The following FOXJ2 variants were observed in gnomAD, a reference collection of about 807,000 sequenced individuals.
The protein encoded by FOXJ2 is forkhead box protein J2.
Under a neutral mutation model 68.4 loss-of-function variants are expected in FOXJ2, and 18 were observed. The observed-to-expected ratio is 0.26, with a 90% CI of 0.18 to 0.39. FOXJ2 has a LOEUF of 0.39. FOXJ2 is among the 10% of genes least tolerant of loss of function. The pLI is 1.00. For missense variants in FOXJ2, 670 were observed against 726.5 expected (o/e 0.92, Z 0.89); for synonymous variants, 274 against 263.2 (o/e 1.04, Z -0.40).
intron 1 of FOXJ2, among the ~76,000 whole-genome samples, chr12:8,036,500 T>G (rs1794962972): frequency 6.6e-6 from 1 of 152,200 alleles, no homozygotes; most frequent in African/African-American, 2.4e-5. Context: ...CTTTCAGTCT[T>G]CCAGCACACA....
At chr12:8,036,036 A>T (rs1256631237) in intron 1 of FOXJ2, among the ~76,000 whole-genome samples, 8 of 152,152 alleles carry the variant, frequency 5.3e-5, no homozygotes, top group Non-Finnish European at 1.0e-4. Context: ...CTAATTTTTA[A>T]TTTCTAGTAT....
At chr12:8,033,991 C>T (rs1331672095) in intron 1 of FOXJ2, among the ~76,000 whole-genome samples, 158 bp downstream of exon 1, 2 of 152,142 alleles carry the variant, frequency 1.3e-5, no homozygotes, top group Non-Finnish European at 2.9e-5. Context: ...TGGATTTGAA[C>T]CCACATCTTG....
chr12:8,051,117 C>CTTCCGT (rs1947119962), intron 10 of FOXJ2, among the ~76,000 whole-genome samples: 1 of 64,476 alleles, frequency 1.6e-5, no homozygotes, highest in Non-Finnish European at 3.7e-5. Context: ...CTTCCCTTCC[C>CTTCCGT]TTCCCTTTCC....
Position 8,044,070 on chromosome 12 carries a change from A to C in FOXJ2, c.597A>C (p.Thr199=). The change falls in exon 5 of 11, where the codon ACA becomes ACC. Residue 199 remains threonine (T), a synonymous_variant. Transcript: ENST00000162391. ...CGCAGATGTCACTTCAGAGCCCCACATCTATAGCCAGCTACAGCCAGGTAG... is the reference window on the plus strand; with the variant it reads ...CGCAGATGTCACTTCAGAGCCCCACCTCTATAGCCAGCTACAGCCAGGTAG... ...GNPQMSLQSP[T]SIASYSQGTG... 1 of 1,551,974 alleles carries C rather than the reference A, an allele frequency of 6.4e-7. No homozygotes were observed. The highest frequency in any genetic ancestry group is 8.7e-7 in the Non-Finnish European group (1 of 1,151,644).
chr12:8,051,542 A>T (rs1947126665), intron 10 of FOXJ2, among the ~76,000 whole-genome samples: 4 of 152,200 alleles, frequency 2.6e-5, no homozygotes, highest in Admixed American at 2.6e-4. Flanking sequence ...TAGATGGAAG[A>T]TGTGCTCAGG....
chr12:8,042,794 C>T, intron 3 of FOXJ2, 62 bp downstream of exon 3: 1 of 1,347,754 alleles, frequency 7.4e-7, no homozygotes, highest in Non-Finnish European at 1.1e-6. Context: ...AGTTGACAGT[C>T]CAGAGTCCTG....
rs1947072565 is a variant in FOXJ2, at chr12:8,048,599, T to G, written c.1226-98T>G. On this transcript the variant is annotated intron_variant, in intron 7 of 10. Coordinates refer to ENST00000162391, the MANE Select transcript of FOXJ2 (RefSeq NM_018416.3). ...TTGGAAATGCAACTGCTAATCTGTA[T>G]AGATGCAAGAATCTTGCATGTAGTC... 4 of 1,280,196 alleles carry G rather than the reference T, an allele frequency of 3.1e-6. No homozygotes were observed. In the African/African-American group the frequency reaches 5.8e-5, roughly 19 times the overall value. The allele number at this position is 1,280,196 out of a possible 1,614,324, so 79.3% of individuals were successfully genotyped here.
Position 8,033,447 on chromosome 12 carries a change from C to T in FOXJ2, c.-401C>T, listed in dbSNP as rs1033737974. ...TAGACAGTGGAACGGGGTGGAGCCC[C>T]TCCGCTCCTATCTCCAGCAGACAGA... On this transcript the variant is annotated 5_prime_UTR_variant, in exon 1 of 11. Transcript: ENST00000162391. The T allele has an allele frequency of 3.6e-4, 55 of 152,920 alleles. No homozygotes were observed. The highest frequency in any genetic ancestry group is 1.3e-3 in the African/African-American group (54 of 41,588). 9.5% of individuals were successfully genotyped at this position (152,920 alleles called of 1,614,324 possible). A position where few individuals can be genotyped will look rare whatever the true frequency, so the allele number is the denominator to read the frequency against.
intron 5 of FOXJ2, 121 bp from the exon 6 acceptor site, chr12:8,044,639 G>T (rs181616337): frequency 6.6e-6 from 6 of 915,072 alleles, no homozygotes; most frequent in Non-Finnish European, 1.0e-5. Context: ...AAATGATGCT[G>T]GGTCATTGAA....
chr12:8,049,787 C>T (rs1260901964), intron 9 of FOXJ2: 5 of 467,546 alleles, frequency 1.1e-5, no homozygotes, highest in African/African-American at 2.0e-5. Context: ...CTTTTTAGAC[C>T]TCAGTTTGGG....
At chr12:8,037,583 G>T (rs896831236) in intron 1 of FOXJ2, among the ~76,000 whole-genome samples, 5 of 152,168 alleles carry the variant, frequency 3.3e-5, no homozygotes, top group African/African-American at 1.2e-4. Flanking sequence ...GTCCAATGCT[G>T]GGAAAGTTGT....
chr12:8,046,185 C>T (rs1004280082), intron 6 of FOXJ2, among the ~76,000 whole-genome samples: 9 of 152,130 alleles, frequency 5.9e-5, no homozygotes, highest in Non-Finnish European at 8.8e-5. Context: ...AGGACGACCA[C>T]GAGGGGGCAG....
At position 8,039,836 on chromosome 12, in the gene FOXJ2, G is replaced by T. The variant is rs202211207; in HGVS notation, c.4G>T (p.Ala2Ser). 54 of 1,610,346 alleles carry T rather than the reference G, an allele frequency of 3.4e-5. No homozygotes were observed. The highest frequency in any genetic ancestry group is 4.5e-5 in the Non-Finnish European group (53 of 1,177,356). MASDLESSLTSI... is the reference protein window; with the variant it reads MSSDLESSLTSI... ...CTCTGCAGAACCCAGAAGTACCATG[G>T]CTTCTGACCTAGAGAGTAGCCTCAC... The change falls in exon 2 of 11, where the codon GCT becomes TCT. Residue 2 changes from alanine (A) to serine (S), a missense_variant. Ala to Ser is a moderately conservative substitution (Grantham distance 99). Around this residue, in one of 2 missense-constraint regions of FOXJ2, gnomAD observed 115 missense variants for 164.3 expected, o/e 0.70. Transcript: ENST00000162391.
intron 10 of FOXJ2, among the ~76,000 whole-genome samples, chr12:8,051,034 C>T (rs1239957808): frequency 4.2e-5 from 5 of 120,266 alleles, no homozygotes; most frequent in Non-Finnish European, 7.0e-5. Context: ...CCTTCCCTTT[C>T]CTTCCCCTTC....
At chr12:8,045,674 G>C (rs2094824594) in intron 6 of FOXJ2, among the ~76,000 whole-genome samples, 1 of 145,794 alleles carries the variant, frequency 6.9e-6, no homozygotes. Context: ...TTATTTTTTT[G>C]AGGCACAGTT....
intron 9 of FOXJ2, chr12:8,049,950 G>A (rs1299363005): frequency 2.1e-5 from 6 of 287,458 alleles, no homozygotes. Flanking sequence ...TGAGAGAGAT[G>A]TCATGATTAT....
intron 1 of FOXJ2, among the ~76,000 whole-genome samples, chr12:8,034,441 C>T (rs1335005991): frequency 6.6e-6 from 1 of 152,174 alleles, no homozygotes; most frequent in African/African-American, 2.4e-5. Flanking sequence ...TATGCCTCTG[C>T]CCATAAAATC....
At chr12:8,043,862 T>C (rs1414241808) in intron 4 of FOXJ2, 89 bp from the exon 5 acceptor site, 4 of 1,601,712 alleles carry the variant, frequency 2.5e-6, no homozygotes, top group Non-Finnish European at 3.4e-6. Flanking sequence ...GAGGCAAAGG[T>C]GGAAGGAATA....
chr12:8,045,039 A>G (rs1283302374), intron 6 of FOXJ2, 81 bp downstream of exon 6: 3 of 1,402,324 alleles, frequency 2.1e-6, no homozygotes, highest in Non-Finnish European at 2.9e-6. Context: ...TTTTTCCCTT[A>G]GTTTTTTATT....
Sources: allele counts gnomAD v4.1 joint callset (sites outside exome capture counted in the v4.1 genomes callset), GRCh38; gene constraint gnomAD v4.1.1; regional missense constraint gnomAD v4.1.1; transcripts MANE v1.5; gene names NCBI Gene and HGNC (gene_info 2026-07-23, HGNC 2026-07-21).